Variants in DENND2C observed in about 807,000 individuals in gnomAD.
DENND2C encodes DENN domain containing 2C, also known as DENN domain-containing protein 2C.
A neutral mutation model predicts 112.4 loss-of-function variants in DENND2C; 72 were observed. That is an observed-to-expected ratio of 0.64 (90% CI 0.53 to 0.78). The LOEUF is 0.78. Ranked by LOEUF, DENND2C falls within the 30% of genes least tolerant of loss-of-function variation. The pLI is 0.00. For synonymous variants in DENND2C, 329 were observed against 381.6 expected (o/e 0.86, Z 1.61); for missense variants, 992 against 1,113.8 (o/e 0.89, Z 1.56).
In DENND2C at chr1:114,582,881, G is replaced by T. The variant is rs912343540; in HGVS notation, c.*2719C>A. Reference sequence around the variant, plus strand: ...GGGTTTATGTATTTATTCATTAAAAGATCTGTAAACAACATTTTATACAAA... The same window carrying T: ...GGGTTTATGTATTTATTCATTAAAATATCTGTAAACAACATTTTATACAAA... On this transcript the variant is annotated 3_prime_UTR_variant, in exon 21 of 21. Coordinates refer to ENST00000393274, the MANE Select transcript of DENND2C (RefSeq NM_001256404.2). 2.0e-5 allele frequency: 3 copies of T among 152,280 alleles called. No individual in the cohort carries two copies. Among genetic ancestry groups the T allele is most frequent in the African/African-American group, 7.2e-5 (3 of 41,572 alleles). 9.4% of individuals were successfully genotyped at this position (152,280 alleles called of 1,614,324 possible).
intron 6 of DENND2C, 63 bp from the exon 7 acceptor site, chr1:114,622,128 G>C: frequency 1.4e-6 from 2 of 1,452,792 alleles, no homozygotes; most frequent in South Asian, 1.4e-5. Flanking sequence ...TTGTTTGTTT[G>C]TTTGAGATGG....
At chr1:114,668,520 AACACACACACACACAC>A (rs71580644) in intron 1 of DENND2C, among the ~76,000 whole-genome samples, 1 of 146,848 alleles carries the variant, frequency 6.8e-6, no homozygotes, top group African/African-American at 2.5e-5. Context: ...TGCCACATTC[AACACACACACACACAC>A]ACACACACAC....
chr1:114,633,411 G>C (rs1402258229), intron 3 of DENND2C, among the ~76,000 whole-genome samples: 1 of 128,808 alleles, frequency 7.8e-6, no homozygotes, highest in Non-Finnish European at 1.6e-5. Flanking sequence ...CTGTGCTCCA[G>C]CTTGGGCAAC....
At chr1:114,588,076 T>A in intron 18 of DENND2C, 124 bp from the exon 19 acceptor site, 2 of 797,606 alleles carry the variant, frequency 2.5e-6, no homozygotes, top group South Asian at 1.9e-5. Context: ...AGAATAAATC[T>A]AGGAGTGTTC....
chr1:114,651,591 T>C (rs1657167406), intron 2 of DENND2C, among the ~76,000 whole-genome samples: 1 of 151,504 alleles, frequency 6.6e-6, no homozygotes, highest in African/African-American at 2.4e-5. Context: ...ATACAAAAAT[T>C]AGCTGGGCAT....
In DENND2C at chr1:114,623,114, T is replaced by A. The variant is rs774918505; in HGVS notation, c.944-15A>T. 13 of 1,586,972 alleles carry A rather than the reference T, an allele frequency of 8.2e-6. No individual in the cohort carries two copies. Among genetic ancestry groups the A allele is most frequent in the Admixed American group, 3.6e-5 (2 of 54,936 alleles). On this transcript the variant is annotated splice_polypyrimidine_tract_variant and intron_variant, in intron 5 of 20. Transcript: ENST00000393274. ...TTTGGTGGGATCTTAAAAAATAATTTAAAAAAATGTTTACATGAACATAAT... is the reference window on the plus strand; with the variant it reads ...TTTGGTGGGATCTTAAAAAATAATTAAAAAAAATGTTTACATGAACATAAT...
At chr1:114,608,631 T>G in intron 10 of DENND2C, 55 bp downstream of exon 10, 1 of 1,571,272 alleles carries the variant, frequency 6.4e-7, no homozygotes, top group South Asian at 1.2e-5. Flanking sequence ...AGGAAATACA[T>G]GTACACAGAG....
In DENND2C at chr1:114,654,763, T is replaced by TAAAAAA. The variant is rs562839824; in HGVS notation, c.-573-8_-573-3dup. 8.6e-6 allele frequency: 1 copy of TAAAAAA among 116,670 alleles called. No individual in the cohort carries two copies. The highest frequency in any genetic ancestry group is 1.8e-5 in the Non-Finnish European group (1 of 54,780). 7.2% of individuals were successfully genotyped at this position (116,670 alleles called of 1,614,324 possible). ...TACCGATGTTTGTTTCTCTGCCACC[T>TAAAAAA]AAAAAAAAAAAAAAAAAAGACAAAG... is the stretch of plus-strand genomic sequence containing the variant. On this transcript the variant is annotated splice_region_variant and splice_polypyrimidine_tract_variant and intron_variant, in intron 1 of 20. Coordinates refer to ENST00000393274, the MANE Select transcript of DENND2C (RefSeq NM_001256404.2).
At chr1:114,663,950 TC>T (rs886778028) in intron 1 of DENND2C, among the ~76,000 whole-genome samples, 1 of 150,266 alleles carries the variant, frequency 6.7e-6, no homozygotes. Flanking sequence ...ATACTGCTAT[TC>T]TTTTTTTTTT....
chr1:114,592,740 T>A (rs1344041954), intron 18 of DENND2C, among the ~76,000 whole-genome samples: 1 of 151,074 alleles, frequency 6.6e-6, no homozygotes, highest in African/African-American at 2.4e-5. Context: ...ATAAAAATAA[T>A]AAATAATAAA....
At chr1:114,642,737 C>G (rs1656876875) in intron 3 of DENND2C, among the ~76,000 whole-genome samples, 1 of 152,086 alleles carries the variant, frequency 6.6e-6, no homozygotes, top group South Asian at 2.1e-4. Flanking sequence ...CATCCTTTGG[C>G]ACAACAGATA....
intron 3 of DENND2C, among the ~76,000 whole-genome samples, chr1:114,633,701 G>A (rs1656565343): frequency 6.6e-6 from 1 of 151,910 alleles, no homozygotes; most frequent in Non-Finnish European, 1.5e-5. Flanking sequence ...AGTTGGAGGG[G>A]GAACCCTAAG....
At chr1:114,602,222 G>T in intron 11 of DENND2C, 28 bp from the exon 12 acceptor site, 1 of 1,608,666 alleles carries the variant, frequency 6.2e-7, no homozygotes, top group South Asian at 1.1e-5. Flanking sequence ...AGTTAGTTTA[G>T]GATCCAAACA....
chr1:114,646,778 G>A (rs1462660196), intron 2 of DENND2C, among the ~76,000 whole-genome samples: 2 of 152,136 alleles, frequency 1.3e-5, no homozygotes, highest in Non-Finnish European at 2.9e-5. Flanking sequence ...ACCATCTTGT[G>A]TACCTCTGGT....
At chr1:114,641,091 T>G (rs1656823866) in intron 3 of DENND2C, among the ~76,000 whole-genome samples, 1 of 151,880 alleles carries the variant, frequency 6.6e-6, no homozygotes, top group African/African-American at 2.4e-5. Flanking sequence ...AGGAAAGAGA[T>G]AAGAAGATTC....
intron 8 of DENND2C, among the ~76,000 whole-genome samples, chr1:114,612,762 C>A (rs1655858106): frequency 1.3e-5 from 2 of 152,160 alleles, no homozygotes; most frequent in Non-Finnish European, 2.9e-5. Flanking sequence ...TCGTGATCTG[C>A]CCATCTTGGC....
At chr1:114,659,372 G>A (rs1029868786) in intron 1 of DENND2C, among the ~76,000 whole-genome samples, 1 of 151,986 alleles carries the variant, frequency 6.6e-6, no homozygotes, top group Non-Finnish European at 1.5e-5. Context: ...CATGGTGGCC[G>A]GCACCTGTAG....
chr1:114,624,518 G>C (rs1176158972), intron 4 of DENND2C, among the ~76,000 whole-genome samples: 2 of 151,394 alleles, frequency 1.3e-5, no homozygotes, highest in Non-Finnish European at 2.9e-5. Flanking sequence ...TCTAGTGTTT[G>C]GCTGGTCTTG....
intron 8 of DENND2C, among the ~76,000 whole-genome samples, 183 bp downstream of exon 8, chr1:114,618,203 T>C (rs1656053589): frequency 1.3e-5 from 2 of 152,104 alleles, no homozygotes; most frequent in Non-Finnish European, 2.9e-5. Context: ...TTAGCCAGGA[T>C]AGTCTCGATC....
Sources: allele counts gnomAD v4.1 joint callset (sites outside exome capture counted in the v4.1 genomes callset), GRCh38; gene constraint gnomAD v4.1.1; transcripts MANE v1.5; gene names NCBI Gene and HGNC (gene_info 2026-07-23, HGNC 2026-07-21).